Variants in TTC7A observed in about 807,000 individuals in gnomAD.
TTC7A encodes the protein tetratricopeptide repeat protein 7A.
A neutral mutation model predicts 103.7 loss-of-function variants in TTC7A; 110 were observed. The observed-to-expected ratio is 1.06, with a 90% confidence interval of 0.91 to 1.24. The LOEUF (loss-of-function observed/expected upper bound fraction) is 1.24. Ranked by LOEUF, TTC7A falls within the 50% of genes most tolerant of loss-of-function variation. The pLI is 0.00. For missense variants in TTC7A, 1,340 were observed against 1,116.3 expected (o/e 1.20, Z -2.86); for synonymous variants, 521 against 467.9 (o/e 1.11, Z -1.47).
At chr2:47,008,100 A>T (rs1677623695) in intron 10 of TTC7A, among the ~76,000 whole-genome samples, 2 of 152,134 alleles carry the variant, frequency 1.3e-5, no homozygotes, top group African/African-American at 4.8e-5. Flanking sequence ...GTGGGGCTGG[A>T]TCTTCCATGG....
At chr2:47,055,405 C>G (rs1017785125) in intron 18 of TTC7A, among the ~76,000 whole-genome samples, 3 of 152,144 alleles carry the variant, frequency 2.0e-5, no homozygotes, top group Non-Finnish European at 1.5e-5. Context: ...CAGTCCAGTG[C>G]GAGAAGCTGA....
intron 18 of TTC7A, among the ~76,000 whole-genome samples, chr2:47,060,351 CA>C (rs1683664019): frequency 6.6e-6 from 1 of 151,992 alleles, no homozygotes; most frequent in Non-Finnish European, 1.5e-5. Context: ...GCCTGGACAA[CA>C]GAGGGAAACT....
At chr2:47,006,580 T>G in intron 9 of TTC7A, 61 bp from the exon 10 acceptor site, 2 of 1,431,548 alleles carry the variant, frequency 1.4e-6, no homozygotes, top group African/African-American at 1.4e-5. Flanking sequence ...CCTGGAAGGG[T>G]GCGGATGGCT....
At chr2:46,950,547 C>T (rs371959783) in intron 2 of TTC7A, 21 bp downstream of exon 2, 8 of 1,612,248 alleles carry the variant, frequency 5.0e-6, no homozygotes, top group African/African-American at 1.3e-5. Flanking sequence ...AGCCTTCAAG[C>T]CTGAGACCTC....
At chr2:46,950,248 C>G (rs1047703391) in intron 1 of TTC7A, 115 bp from the exon 2 acceptor site, 6 of 1,035,206 alleles carry the variant, frequency 5.8e-6, no homozygotes, top group African/African-American at 1.6e-5. Context: ...TTTTCTCAGA[C>G]CTGAGCCATT....
intron 10 of TTC7A, among the ~76,000 whole-genome samples, chr2:47,010,676 C>A (rs1390393674): frequency 6.6e-6 from 1 of 152,088 alleles, no homozygotes; most frequent in Non-Finnish European, 1.5e-5. Flanking sequence ...ATTGGCCATG[C>A]CTCCAGAGTC....
intron 15 of TTC7A, among the ~76,000 whole-genome samples, chr2:47,040,937 A>G (rs1430116449): frequency 1.3e-5 from 2 of 152,146 alleles, no homozygotes; most frequent in African/African-American, 4.8e-5. Context: ...TACTGTGACC[A>G]TTGCTCTTCT....
intron 3 of TTC7A, among the ~76,000 whole-genome samples, chr2:46,974,103 A>G (rs1673624924): frequency 6.6e-6 from 1 of 152,226 alleles, no homozygotes; most frequent in Non-Finnish European, 1.5e-5. Context: ...ACTGAAATGC[A>G]GTTCAGTCAC....
At chr2:46,969,127 A>AT (rs151285347) in intron 3 of TTC7A, among the ~76,000 whole-genome samples, 3,735 of 151,082 alleles carry the variant, frequency 0.025, 75 homozygotes, top group Non-Finnish European at 0.04. Flanking sequence ...TACAGTATGC[A>AT]TTTTTTTTAT....
chr2:47,053,408 T>C (rs2104741212), intron 18 of TTC7A, among the ~76,000 whole-genome samples: 1 of 152,316 alleles, frequency 6.6e-6, no homozygotes, highest in Non-Finnish European at 1.5e-5. Context: ...TTCACCAGCT[T>C]TAAGGAATGC....
Position 47,051,605 on chromosome 2 carries a change from G to A in TTC7A, c.2018-141G>A. The A allele has an allele frequency of 8.2e-6, 9 of 1,101,624 alleles. No individual in the cohort carries two copies. In the South Asian group the frequency reaches 1.5e-4, roughly 19 times the overall value. The allele number at this position is 1,101,624 out of a possible 1,614,324, so 68.2% of individuals were successfully genotyped here. A position where few individuals can be genotyped will look rare whatever the true frequency, so the allele number is the denominator to read the frequency against. On this transcript the variant is annotated intron_variant, in intron 17 of 19. Transcript: ENST00000319190. Reference sequence around the variant, plus strand: ...GCCCTCCCTAGTGGGTCTGTGAGCTGCTTTCTGGCTGCCCAGCCGCACCAC... The same window carrying A: ...GCCCTCCCTAGTGGGTCTGTGAGCTACTTTCTGGCTGCCCAGCCGCACCAC...
chr2:47,070,483 C>G lies in TTC7A; in HGVS notation c.2356-3219C>G, dbSNP rs188297998. ...GCTCTGAGCCTTGTTGAGCTGCTGT[C>G]CTTTGGGGAATAACAAAGCAGGCAG... is the stretch of plus-strand genomic sequence containing the variant. On this transcript the variant is annotated intron_variant, in intron 19 of 19. Transcript: ENST00000319190. Among the ~76,000 whole-genome samples, 3 of 152,320 alleles carry G rather than the reference C, an allele frequency of 2.0e-5. No homozygotes were observed. The East Asian group carries it at 5.8e-4, about 29-fold the overall frequency.
chr2:46,950,460 G>A lies in TTC7A; in HGVS notation c.282G>A (p.Lys94=), dbSNP rs1264534492. The stretch of plus-strand genomic sequence containing the variant: ...AAGACTCCATGCCTTTGCTGGAGAA[G>A]AATGAGCCGAAGATGAGCGAAGCCA... The part of the protein sequence containing the change: ...KIKDSMPLLE[K]NEPKMSEAKN... The change falls in exon 2 of 20, where the codon AAG becomes AAA. Residue 94 remains lysine, a synonymous_variant. Transcript: ENST00000319190. The A allele has an allele frequency of 1.2e-6, 2 of 1,614,082 alleles. No homozygotes were observed. Among genetic ancestry groups the A allele is most frequent in the South Asian group, 2.2e-5 (2 of 91,088 alleles).
At chr2:47,044,457 A>C (rs1682091626) in intron 15 of TTC7A, among the ~76,000 whole-genome samples, 1 of 152,174 alleles carries the variant, frequency 6.6e-6, no homozygotes, top group South Asian at 2.1e-4. Context: ...GCAGTTGCCC[A>C]CTGGGGTCAT....
chr2:46,995,243 C>G, intron 8 of TTC7A, 44 bp downstream of exon 8: 1 of 1,605,460 alleles, frequency 6.2e-7, no homozygotes, highest in Non-Finnish European at 8.5e-7. Context: ...CCCTCTGACC[C>G]TGTGGGGAAG....
chr2:47,027,211 G>A (rs1680012912), intron 14 of TTC7A, among the ~76,000 whole-genome samples: 1 of 152,190 alleles, frequency 6.6e-6, no homozygotes, highest in Admixed American at 6.5e-5. Flanking sequence ...CTGCATCCTG[G>A]GGAATCAGGC....
chr2:46,972,626 T>C lies in TTC7A; in HGVS notation c.518-2347T>C, dbSNP rs80135907. Among the ~76,000 whole-genome samples, 99 of 152,276 alleles carry C rather than the reference T, an allele frequency of 6.5e-4. 1 individual carries two copies. In the East Asian group the frequency reaches 0.011, roughly 17 times the overall value. On this transcript the variant is annotated intron_variant, in intron 3 of 19. Coordinates refer to ENST00000319190, the MANE Select transcript of TTC7A (RefSeq NM_020458.4). ...CCATGGCTGTCATGATCAGCTGAGA[T>C]TGCAAGAGAGGTGGTCAAAAGGAGA...
chr2:46,940,838 G>C (rs1469949433), upstream of TTC7A, among the ~76,000 whole-genome samples: 1 of 152,150 alleles, frequency 6.6e-6, no homozygotes, highest in Non-Finnish European at 1.5e-5. The surrounding 1 kb of genome is among the most constrained non-coding windows in gnomAD (Gnocchi z 4.7). Context: ...CGCCGTCGGG[G>C]TTGGGGCCTG....
At chr2:47,069,932 AG>A (rs1483072088) in intron 19 of TTC7A, among the ~76,000 whole-genome samples, 1 of 150,174 alleles carries the variant, frequency 6.7e-6, no homozygotes, top group Admixed American at 6.6e-5. Flanking sequence ...ACAGAATCCC[AG>A]GAATGTGCCC....
Sources: allele counts gnomAD v4.1 joint callset (sites outside exome capture counted in the v4.1 genomes callset), GRCh38; gene constraint gnomAD v4.1.1; non-coding constraint Gnocchi (gnomAD v3.1); transcripts MANE v1.5; gene names NCBI Gene and HGNC (gene_info 2026-07-23, HGNC 2026-07-21).